NFKB1: variants seen among roughly 807,000 people sequenced by gnomAD.
The protein encoded by NFKB1 is nuclear factor kappa B subunit 1.
In NFKB1, 9 loss-of-function variants were observed where a neutral mutation model predicts 105.1. That is an observed-to-expected ratio of 0.09 (90% confidence interval 0.05 to 0.15). The LOEUF (loss-of-function observed/expected upper bound fraction) is 0.15. Among genes scored for constraint, NFKB1 ranks in the 10% least tolerant of loss-of-function variants. The pLI is 1.00. For missense variants in NFKB1, 830 were observed against 1,203.7 expected, an observed-to-expected ratio of 0.69 and a Z score of 4.59; for synonymous variants, 440 against 442.2, an observed-to-expected ratio of 1.00 and a Z score of 0.06.
chr4:102,509,227 A>G (rs935902436), intron 1 of NFKB1, among the ~76,000 whole-genome samples: 2 of 152,178 alleles, frequency 1.3e-5, no homozygotes, highest in African/African-American at 4.8e-5. Flanking sequence ...GTGTCTCTTT[A>G]TATATTTACT....
chr4:102,518,515 A>G (rs1162337494), intron 1 of NFKB1, among the ~76,000 whole-genome samples: 1 of 152,188 alleles, frequency 6.6e-6, no homozygotes, highest in Non-Finnish European at 1.5e-5. Context: ...CATGACACAT[A>G]TTATATTGCA....
intron 16 of NFKB1, 115 bp from the exon 17 acceptor site, chr4:102,606,381 A>G: frequency 1.0e-6 from 1 of 964,716 alleles, no homozygotes; most frequent in Non-Finnish European, 1.6e-6. Flanking sequence ...TAATCTGGGA[A>G]TGAGAAATAT....
chr4:102,596,484 A>C, intron 14 of NFKB1, 152 bp downstream of exon 14: 3 of 555,870 alleles, frequency 5.4e-6, no homozygotes, highest in South Asian at 6.5e-5. Flanking sequence ...AGCATATGTC[A>C]GATCATTTTA....
At chr4:102,543,678 C>T (rs1721903565) in intron 5 of NFKB1, among the ~76,000 whole-genome samples, 1 of 151,526 alleles carries the variant, frequency 6.6e-6, no homozygotes, top group East Asian at 1.9e-4. Flanking sequence ...CTGTCGAGGT[C>T]GAATAGAGAC....
chr4:102,605,271 A>G (rs4699031), intron 16 of NFKB1, among the ~76,000 whole-genome samples: 49,750 of 152,010 alleles, frequency 0.33, 8,453 homozygotes, highest in Admixed American at 0.42. Context: ...AAATAAGGGC[A>G]AGTAATAATT....
chr4:102,603,778 A>C (rs3774965), intron 16 of NFKB1, among the ~76,000 whole-genome samples: 4,099 of 152,278 alleles, frequency 0.027, 72 homozygotes, highest in South Asian at 0.069. Context: ...ACCTTTCACT[A>C]ATCTAAGTAC....
At chr4:102,590,260 A>G (rs1364620351) in intron 11 of NFKB1, among the ~76,000 whole-genome samples, 1 of 152,162 alleles carries the variant, frequency 6.6e-6, no homozygotes, top group Non-Finnish European at 1.5e-5. Context: ...TCCCCTACAC[A>G]TTATTTCCCT....
At chr4:102,518,146 T>G (rs182130397) in intron 1 of NFKB1, among the ~76,000 whole-genome samples, 99 of 152,132 alleles carry the variant, frequency 6.5e-4, no homozygotes, top group African/African-American at 2.4e-3. Context: ...TGTGTGAAAA[T>G]GATATATTGG....
intron 15 of NFKB1, 40 bp downstream of exon 15, chr4:102,597,701 GGAA>G: frequency 3.1e-6 from 5 of 1,589,190 alleles, no homozygotes; most frequent in Admixed American, 1.7e-5. Flanking sequence ...TCCTGGGTGG[GGAA>G]GAAGAAGAGC....
chr4:102,542,795 T>G (rs983053678), intron 5 of NFKB1, among the ~76,000 whole-genome samples: 15 of 152,210 alleles, frequency 9.9e-5, no homozygotes, highest in African/African-American at 3.6e-4. Context: ...TGGTACTCAC[T>G]TTGATCCTAT....
Position 102,593,522 on chromosome 4 carries a change from G to T in NFKB1, c.1164G>T (p.Met388Ile), listed in dbSNP as rs770371198. 9.3e-6 allele frequency: 15 copies of T among 1,613,656 alleles called. No homozygotes were observed. The Admixed American group carries it at 2.5e-4, about 27-fold the overall frequency. The change falls in exon 12 of 24, where the codon ATG (methionine) becomes ATT (isoleucine). Residue 388 changes from methionine (M) to isoleucine (I), a missense_variant. Met to Ile is a conservative substitution (Grantham distance 10). Coordinates refer to ENST00000226574, the MANE Select transcript of NFKB1 (RefSeq NM_003998.4). Reference protein sequence around the residue: ...GSGAGAGGGGMFGSGGGGGGT... With the variant: ...GSGAGAGGGGIFGSGGGGGGT... ...GTGCTGGAGCTGGAGGCGGAGGCAT[G>T]TTTGGTAGTGGCGGTGGAGGAGGGG...
intron 16 of NFKB1, among the ~76,000 whole-genome samples, chr4:102,604,541 T>A (rs1578823165): frequency 6.6e-6 from 1 of 152,146 alleles, no homozygotes; most frequent in African/African-American, 2.4e-5. Flanking sequence ...ATTTTTTAAA[T>A]GCCTAAGTGG....
chr4:102,593,449 G>A lies in NFKB1; in HGVS notation c.1091G>A (p.Arg364His), dbSNP rs1473182732. Reference sequence around the variant, plus strand: ...GATAAAGAAGAAGTGCAGAGGAAACGTCAGAAGCTCATGCCCAATTTTTCG... The same window carrying A: ...GATAAAGAAGAAGTGCAGAGGAAACATCAGAAGCTCATGCCCAATTTTTCG... The part of the protein sequence containing the change: ...IKDKEEVQRK[R>H]QKLMPNFSDS... Residue 364 changes from arginine to histidine, a missense_variant, in exon 12 of 24, where the codon CGT (arginine) becomes CAT (histidine). Physicochemically the swap from Arg to His is conservative, Grantham distance 29 (BLOSUM62 0). Around this residue, in one of 8 missense-constraint regions of NFKB1, gnomAD observed 42 missense variants for 145.7 expected, o/e 0.29. Coordinates refer to ENST00000226574, the MANE Select transcript of NFKB1 (RefSeq NM_003998.4). 3 of 1,613,466 alleles carry A rather than the reference G, an allele frequency of 1.9e-6. No individual in the cohort carries two copies. Among genetic ancestry groups the A allele is most frequent in the Non-Finnish European group, 2.5e-6 (3 of 1,179,588 alleles).
At position 102,584,812 on chromosome 4, in the gene NFKB1, A is replaced by T; in HGVS notation, c.1058A>T (p.Glu353Val). ...CCAAAACCTTTCCTCTACTATCCTG[A>T]AATCAAAGGTAAGTCAGTTGTTTAA... ...SEPKPFLYYP[E>V]IKDKEEVQRK... is the part of the protein sequence containing the mutation. The change falls in exon 11 of 24, where the codon GAA (glutamate) becomes GTA (valine). Residue 353 changes from glutamate to valine, a missense_variant. By Grantham distance (121) the Glu-to-Val change is moderately radical. Coordinates refer to ENST00000226574, the MANE Select transcript of NFKB1 (RefSeq NM_003998.4). 1 of 1,599,738 alleles carries T rather than the reference A, an allele frequency of 6.3e-7. No homozygotes were observed. Among genetic ancestry groups the T allele is most frequent in the East Asian group, 2.2e-5 (1 of 44,702 alleles).
chr4:102,538,989 A>G (rs1741819045), intron 5 of NFKB1, among the ~76,000 whole-genome samples: 1 of 152,100 alleles, frequency 6.6e-6, no homozygotes, highest in Non-Finnish European at 1.5e-5. Context: ...CTGTAATCCC[A>G]GCACTTTGGG....
chr4:102,513,302 C>G (rs1380412716), intron 1 of NFKB1, among the ~76,000 whole-genome samples: 3 of 152,166 alleles, frequency 2.0e-5, no homozygotes, highest in Admixed American at 6.5e-5. Context: ...AAGGTTTTAT[C>G]TAACTTATTA....
At chr4:102,582,746 T>G (rs1315674356) in intron 9 of NFKB1, 120 bp from the exon 10 acceptor site, 1 of 562,560 alleles carries the variant, frequency 1.8e-6, no homozygotes, top group Non-Finnish European at 3.0e-6. Context: ...CTTTTGATCT[T>G]GTTTTTTAAA....
intron 19 of NFKB1, among the ~76,000 whole-genome samples, chr4:102,608,686 A>G (rs1404367592): frequency 6.6e-6 from 1 of 151,760 alleles, no homozygotes; most frequent in Non-Finnish European, 1.5e-5. Context: ...TAAAAGGTAA[A>G]TGCTTCATAA....
At position 102,502,390 on chromosome 4, in the gene NFKB1, G is replaced by GCGCACACACACACACA. The variant is rs1311577382; in HGVS notation, c.-8+603_-8+604insGCACACACACACACAC. The stretch of plus-strand genomic sequence containing the variant: ...CCCCCCTCCGTGCGCGCGCGCGCGC[G>GCGCACACACACACACA]CACACACACACACACACACACACAC... On this transcript the variant is annotated intron_variant, in intron 1 of 23. Coordinates refer to ENST00000226574, the MANE Select transcript of NFKB1 (RefSeq NM_003998.4). 9.4e-4 allele frequency among the ~76,000 whole-genome samples: 99 copies of GCGCACACACACACACA among 105,382 alleles called. 1 individual carries two copies. Among genetic ancestry groups the GCGCACACACACACACA allele is most frequent in the Middle Eastern group, 4.4e-3 (1 of 228 alleles). The allele number at this position is 105,382 out of a possible 152,430, so 69.1% of individuals were successfully genotyped here.
Sources: allele counts gnomAD v4.1 joint callset (sites outside exome capture counted in the v4.1 genomes callset), GRCh38; gene constraint gnomAD v4.1.1; regional missense constraint gnomAD v4.1.1; transcripts MANE v1.5; gene names NCBI Gene and HGNC (gene_info 2026-07-23, HGNC 2026-07-21).